The following ERBB4 variants were observed in gnomAD, a reference collection of about 807,000 sequenced individuals.
The protein encoded by ERBB4 is receptor tyrosine-protein kinase erbB-4.
Under a neutral mutation model 158.0 loss-of-function variants are expected in ERBB4, and 42 were observed. That is an observed-to-expected ratio of 0.27 (90% CI 0.21 to 0.34). The LOEUF (loss-of-function observed/expected upper bound fraction) is 0.34, where lower values mean the gene tolerates loss of function less well. Among genes scored for constraint, ERBB4 ranks in the 10% least tolerant of loss-of-function variants. The pLI, the probability that ERBB4 is intolerant of heterozygous loss-of-function variation, is 1.00. For missense variants in ERBB4, 1,333 were observed against 1,624.1 expected (o/e 0.82, Z 3.08); for synonymous variants, 583 against 558.7 (o/e 1.04, Z -0.61).
rs532803797 is a variant in ERBB4 at position 211,856,608 on chromosome 2, C to T, written c.422-68449G>A. Among the ~76,000 whole-genome samples, 9 of 152,018 alleles carry T rather than the reference C, an allele frequency of 5.9e-5. No homozygotes were observed. The South Asian group carries it at 1.0e-3, about 18-fold the overall frequency. On this transcript the variant is annotated intron_variant, in intron 3 of 27. Coordinates refer to ENST00000342788, the MANE Select transcript of ERBB4 (RefSeq NM_005235.3). ...TTCACCGTGTTAGCCAGGATGGTCTCGATCTCCTGGCCTCGTGATCCGCCC... is the reference window on the plus strand; with the variant it reads ...TTCACCGTGTTAGCCAGGATGGTCTTGATCTCCTGGCCTCGTGATCCGCCC...
chr2:212,332,323 C>T (rs1195816140), intron 1 of ERBB4, among the ~76,000 whole-genome samples: 1 of 152,034 alleles, frequency 6.6e-6, no homozygotes, highest in South Asian at 2.1e-4. Context: ...GGTTGTGAGG[C>T]CTCCCTAGCC....
intron 2 of ERBB4, among the ~76,000 whole-genome samples, chr2:212,037,787 T>C (rs1014521916): frequency 2.0e-5 from 3 of 152,150 alleles, no homozygotes; most frequent in Non-Finnish European, 4.4e-5. Flanking sequence ...ACGTTGTAAA[T>C]CTAATAGACA....
chr2:211,667,463 A>G (rs1390887769), intron 14 of ERBB4, among the ~76,000 whole-genome samples: 3 of 151,010 alleles, frequency 2.0e-5, no homozygotes, highest in African/African-American at 7.3e-5. Flanking sequence ...AAAAAAGCCT[A>G]TAAAACCTAA....
intron 3 of ERBB4, among the ~76,000 whole-genome samples, chr2:211,836,319 T>C (rs1413791286): frequency 6.6e-6 from 1 of 151,952 alleles, no homozygotes; most frequent in East Asian, 1.9e-4. Context: ...GATCATAAGG[T>C]AAAAAGTCAC....
intron 4 of ERBB4, among the ~76,000 whole-genome samples, chr2:211,783,476 GC>G (rs1437955923): frequency 6.6e-6 from 1 of 152,072 alleles, no homozygotes; most frequent in Non-Finnish European, 1.5e-5. Context: ...CCAGTTTTTG[GC>G]CATTCAGTAT....
At chr2:212,365,305 G>A (rs73074259) in intron 1 of ERBB4, among the ~76,000 whole-genome samples, 3,780 of 151,636 alleles carry the variant, frequency 0.025, 171 homozygotes, top group African/African-American at 0.086. Flanking sequence ...ATTGACTAAC[G>A]TTCTTTACAG....
At chr2:212,451,398 C>T (rs749127687) in intron 1 of ERBB4, among the ~76,000 whole-genome samples, 9 of 152,148 alleles carry the variant, frequency 5.9e-5, no homozygotes, top group Admixed American at 1.3e-4. Flanking sequence ...TTGAAAATAT[C>T]CTCAAATAGA....
chr2:211,690,112 T>C (rs531926074), intron 12 of ERBB4, among the ~76,000 whole-genome samples: 5 of 150,126 alleles, frequency 3.3e-5, no homozygotes, highest in African/African-American at 1.2e-4. Flanking sequence ...TATTCAGTGC[T>C]AAGTTAATAT....
chr2:211,536,425 C>G (rs149693165), intron 20 of ERBB4, among the ~76,000 whole-genome samples: 2 of 152,126 alleles, frequency 1.3e-5, no homozygotes, highest in East Asian at 3.9e-4. Flanking sequence ...GACATTACTC[C>G]GGCTTCCCAT....
intron 25 of ERBB4, among the ~76,000 whole-genome samples, chr2:211,405,165 T>TAAGTA (rs1216225445): frequency 6.6e-6 from 1 of 152,080 alleles, no homozygotes; most frequent in African/African-American, 2.4e-5. Flanking sequence ...CAGAACTAGT[T>TAAGTA]AAGTACAGGA....
At chr2:211,580,311 C>T (rs1263590618) in intron 19 of ERBB4, among the ~76,000 whole-genome samples, 3 of 152,042 alleles carry the variant, frequency 2.0e-5, no homozygotes, top group Non-Finnish European at 4.4e-5. Context: ...AAAAAACAAA[C>T]AGCCCTATCA....
chr2:212,094,572 A>T (rs1346368532), intron 2 of ERBB4, among the ~76,000 whole-genome samples: 1 of 150,894 alleles, frequency 6.6e-6, no homozygotes, highest in African/African-American at 2.5e-5. Context: ...AAAATAAAAA[A>T]ATAAAAAAAA....
At chr2:212,497,731 T>TA (rs932333923) in intron 1 of ERBB4, among the ~76,000 whole-genome samples, 4 of 151,816 alleles carry the variant, frequency 2.6e-5, no homozygotes, top group Non-Finnish European at 5.9e-5. Flanking sequence ...GTGAAAGAAA[T>TA]AAAAAAAGAT....
At chr2:211,561,712 T>G (rs1404823329) in intron 20 of ERBB4, 191 bp downstream of exon 20, 1 of 605,576 alleles carries the variant, frequency 1.7e-6, no homozygotes, top group Non-Finnish European at 2.9e-6. Context: ...CACAATAATC[T>G]AAAAATATAT....
chr2:212,076,984 G>A (rs2078294696), intron 2 of ERBB4, among the ~76,000 whole-genome samples: 1 of 151,918 alleles, frequency 6.6e-6, no homozygotes, highest in African/African-American at 2.4e-5. Flanking sequence ...CTGTGCAAGA[G>A]ATTTGAATGA....
intron 1 of ERBB4, among the ~76,000 whole-genome samples, chr2:212,500,511 A>AT (rs61125371): frequency 0.022 from 3,273 of 150,692 alleles, 114 homozygotes; most frequent in African/African-American, 0.075. Flanking sequence ...CTAACATTTA[A>AT]TTTTTTTTTT....
At chr2:211,545,385 T>C (rs935570037) in intron 20 of ERBB4, among the ~76,000 whole-genome samples, 1 of 151,980 alleles carries the variant, frequency 6.6e-6, no homozygotes, top group African/African-American at 2.4e-5. Flanking sequence ...ATCTTAAACT[T>C]ACATAGAAAT....
chr2:211,681,830 A>T (rs954582699), intron 12 of ERBB4, among the ~76,000 whole-genome samples: 6 of 151,816 alleles, frequency 4.0e-5, no homozygotes, highest in African/African-American at 1.5e-4. Flanking sequence ...TTTCATTTTG[A>T]TAACTTATCA....
intron 2 of ERBB4, among the ~76,000 whole-genome samples, chr2:212,024,789 A>G (rs75922551): frequency 0.061 from 9,208 of 150,996 alleles, 293 homozygotes; most frequent in South Asian, 0.11. Flanking sequence ...GGTGGCCTAA[A>G]ATCAATCCTA....
Sources: allele counts gnomAD v4.1 joint callset (sites outside exome capture counted in the v4.1 genomes callset), GRCh38; gene constraint gnomAD v4.1.1; transcripts MANE v1.5; gene names NCBI Gene and HGNC (gene_info 2026-07-23, HGNC 2026-07-21).